LRRC17: variants seen among roughly 807,000 people sequenced by gnomAD.
The protein encoded by LRRC17 is leucine-rich repeat-containing protein 17.
LRRC17 carries 33 observed loss-of-function variants against 41.5 expected under a neutral mutation model. That is an observed-to-expected ratio of 0.80 (90% CI 0.60 to 1.06). The LOEUF (loss-of-function observed/expected upper bound fraction) is 1.06, where lower values mean the gene tolerates loss of function less well. Among genes scored for constraint, LRRC17 ranks in the 50% least tolerant of loss-of-function variants. The pLI, the probability that LRRC17 is intolerant of heterozygous loss-of-function variation, is 0.00. For missense variants in LRRC17, 491 were observed against 519.3 expected (o/e 0.95, Z 0.53); for synonymous variants, 192 against 197.0 (o/e 0.97, Z 0.21).
At chr7:102,926,993 G>A (rs1818268218) in intron 1 of LRRC17, among the ~76,000 whole-genome samples, 1 of 152,164 alleles carries the variant, frequency 6.6e-6, no homozygotes, top group Non-Finnish European at 1.5e-5. Flanking sequence ...GCTGGGAGTA[G>A]GGTGGGGGAG....
Position 102,933,757 on chromosome 7 carries a change from A to AT in LRRC17, c.-140-10dup, listed in dbSNP as rs1819678781. On this transcript the variant is annotated splice_polypyrimidine_tract_variant and intron_variant, in intron 1 of 3. Transcript: ENST00000339431. ...CAATGGGCCTTAATTTTTAATATAT[A>AT]TTTTTTTCTCTTCCAGCCTAGGGAC... 4.5e-6 allele frequency: 3 copies of AT among 668,534 alleles called. No individual in the cohort carries two copies. Among genetic ancestry groups the AT allele is most frequent in the East Asian group, 2.9e-5 (1 of 34,794 alleles). The allele number at this position is 668,534 out of a possible 1,614,324, so 41.4% of individuals were successfully genotyped here.
chr7:102,925,908 T>G (rs1028225794), intron 1 of LRRC17, among the ~76,000 whole-genome samples: 1 of 142,546 alleles, frequency 7.0e-6, no homozygotes, highest in Non-Finnish European at 1.5e-5. Context: ...GCCACTGCAC[T>G]GCAGCCTGGG....
chr7:102,916,306 C>T (rs1049267051), intron 1 of LRRC17, among the ~76,000 whole-genome samples: 13 of 152,038 alleles, frequency 8.6e-5, no homozygotes, highest in African/African-American at 3.1e-4. Context: ...TTTTTATATC[C>T]CCCATTAAAA....
intron 1 of LRRC17, among the ~76,000 whole-genome samples, chr7:102,932,167 G>A (rs1343397466): frequency 6.6e-6 from 1 of 152,190 alleles, no homozygotes; most frequent in East Asian, 1.9e-4. Context: ...AAGGGGAAAA[G>A]AGAAAAATAT....
intron 2 of LRRC17, among the ~76,000 whole-genome samples, chr7:102,937,338 A>G (rs1214653046): frequency 3.4e-5 from 1 of 29,216 alleles, no homozygotes; most frequent in Non-Finnish European, 6.9e-5. Flanking sequence ...CATCTCTACT[A>G]AAAATACAAA....
At chr7:102,942,656 A>G (rs979642237) in intron 3 of LRRC17, among the ~76,000 whole-genome samples, 10 of 152,324 alleles carry the variant, frequency 6.6e-5, no homozygotes, top group East Asian at 5.8e-4. Flanking sequence ...GAAAAAATCC[A>G]GTATCTTCAG....
At chr7:102,936,773 C>T (rs1290884374) in intron 2 of LRRC17, among the ~76,000 whole-genome samples, 1 of 152,128 alleles carries the variant, frequency 6.6e-6, no homozygotes, top group African/African-American at 2.4e-5. Flanking sequence ...GAGAAAAATA[C>T]CATCTATACA....
chr7:102,921,513 C>A (rs1363113724), intron 1 of LRRC17, among the ~76,000 whole-genome samples: 6 of 151,576 alleles, frequency 4.0e-5, no homozygotes, highest in African/African-American at 9.7e-5. Context: ...AACCCTGTCT[C>A]TACTAAAAAT....
intron 1 of LRRC17, among the ~76,000 whole-genome samples, chr7:102,930,503 T>C (rs979859817): frequency 5.3e-5 from 8 of 152,216 alleles, no homozygotes; most frequent in Admixed American, 2.0e-4. Flanking sequence ...TGCAAGTAGA[T>C]TTCTGCTCCA....
In LRRC17 at chr7:102,913,023, T is replaced by C; in HGVS notation, c.-263T>C. 1.2e-6 allele frequency: 2 copies of C among 1,609,796 alleles called. No individual in the cohort carries two copies. Among genetic ancestry groups the C allele is most frequent in the Non-Finnish European group, 1.7e-6 (2 of 1,177,034 alleles). Reference sequence around the variant, plus strand: ...GCATTAGTATAACGTGAGGGCTGAATGCAGCCCATTCTCTGGAGAACTTCC... The same window carrying C: ...GCATTAGTATAACGTGAGGGCTGAACGCAGCCCATTCTCTGGAGAACTTCC... On this transcript the variant is annotated 5_prime_UTR_variant, in exon 1 of 4. It removes an upstream start codon present in the reference 5' UTR. Transcript: ENST00000339431.
intron 1 of LRRC17, among the ~76,000 whole-genome samples, chr7:102,918,139 G>T (rs569565860): frequency 6.5e-4 from 99 of 152,282 alleles, no homozygotes; most frequent in South Asian, 2.1e-3. Flanking sequence ...ACAGTTTCGA[G>T]AACATTTTTG....
chr7:102,924,151 T>C (rs1479070187), intron 1 of LRRC17, among the ~76,000 whole-genome samples: 2 of 151,826 alleles, frequency 1.3e-5, no homozygotes, highest in Non-Finnish European at 2.9e-5. Flanking sequence ...GGCAGGAGAA[T>C]TGCTTGAACC....
At chr7:102,915,824 G>A (rs2129469531) in intron 1 of LRRC17, among the ~76,000 whole-genome samples, 1 of 152,200 alleles carries the variant, frequency 6.6e-6, no homozygotes, top group Middle Eastern at 3.4e-3. Context: ...TGCTGTGATT[G>A]TGAACTATCA....
chr7:102,934,147 T>C lies in LRRC17; in HGVS notation c.234T>C (p.Gly78=). 1 of 1,614,182 alleles carries C rather than the reference T, an allele frequency of 6.2e-7. No individual in the cohort carries two copies. Among genetic ancestry groups the C allele is most frequent in the Non-Finnish European group, 8.5e-7 (1 of 1,180,010 alleles). Residue 78 remains glycine (G), a synonymous_variant, in exon 2 of 4, where the codon GGT becomes GGC. Coordinates refer to ENST00000339431, the MANE Select transcript of LRRC17 (RefSeq NM_001031692.3). ...GAAAATTAGTTTATGTGCTGCCTGGTTGGCCTCAGGATTTGCTGCACATGC... is the reference window on the plus strand; with the variant it reads ...GAAAATTAGTTTATGTGCTGCCTGGCTGGCCTCAGGATTTGCTGCACATGC... ...QERKLVYVLP[G]WPQDLLHMLL...
Position 102,944,258 on chromosome 7 carries a change from A to G in LRRC17, c.977A>G (p.Asn326Ser), listed in dbSNP as rs1585068833. Residue 326 changes from asparagine to serine, a missense_variant, in exon 4 of 4, where the codon AAC becomes AGC. By Grantham distance (46) the Asn-to-Ser change is conservative. Transcript: ENST00000339431. ...TTAGAAGAATTAGATTTATCAAACA[A>G]CAGTCTGCAAAACTTTGACTATGGC... is the stretch of plus-strand genomic sequence containing the variant. ...THLEELDLSN[N>S]SLQNFDYGVL... 6.2e-7 allele frequency: 1 copy of G among 1,612,500 alleles called. No homozygotes were observed. The highest frequency in any genetic ancestry group is 8.5e-7 in the Non-Finnish European group (1 of 1,179,618).
At chr7:102,919,565 T>C (rs1318749789) in intron 1 of LRRC17, among the ~76,000 whole-genome samples, 2 of 152,210 alleles carry the variant, frequency 1.3e-5, no homozygotes, top group Non-Finnish European at 2.9e-5. Flanking sequence ...AGGAAAGTCT[T>C]GCAAGCATCT....
At chr7:102,936,244 G>A (rs375374811) in intron 2 of LRRC17, 2 of 152,186 alleles carry the variant, frequency 1.3e-5, no homozygotes, top group African/African-American at 4.8e-5. Flanking sequence ...CAACTTCCAG[G>A]AAGATAGTAA....
intron 1 of LRRC17, among the ~76,000 whole-genome samples, chr7:102,917,427 C>T (rs1816123283): frequency 6.6e-6 from 1 of 152,160 alleles, no homozygotes; most frequent in South Asian, 2.1e-4. Context: ...CTTGCACATA[C>T]TAGTTGATCA....
At chr7:102,922,292 C>G (rs992645967) in intron 1 of LRRC17, among the ~76,000 whole-genome samples, 7 of 151,828 alleles carry the variant, frequency 4.6e-5, no homozygotes, top group African/African-American at 1.7e-4. Flanking sequence ...CAATACTTAT[C>G]AAGTTATACA....
Sources: gnomAD v4.1 joint callset for allele counts (sites outside exome capture counted in the v4.1 genomes callset) on GRCh38, gnomAD v4.1.1 for gene constraint, MANE v1.5 for transcripts, NCBI Gene and HGNC (gene_info 2026-07-23, HGNC 2026-07-21) for gene names.